The following NLK variants were observed in gnomAD, a reference collection of about 807,000 sequenced individuals.
NLK encodes nemo like kinase, also known as serine/threonine-protein kinase NLK.
In NLK, 11 loss-of-function variants were observed where a neutral mutation model predicts 59.0. The ratio of observed to expected loss-of-function variants is 0.19; its 90% confidence interval spans 0.12 to 0.31. The LOEUF is 0.31. Among genes scored for constraint, NLK ranks in the 10% least tolerant of loss-of-function variants. The pLI, the probability that NLK is intolerant of heterozygous loss-of-function variation, is 1.00. For synonymous variants in NLK, 235 were observed against 235.9 expected, an observed-to-expected ratio of 1.00 and a Z score of 0.03; for missense variants, 410 against 661.1, an observed-to-expected ratio of 0.62 and a Z score of 4.16.
intron 5 of NLK, among the ~76,000 whole-genome samples, chr17:28,167,033 A>G (rs754804325): frequency 3.9e-5 from 6 of 152,250 alleles, no homozygotes; most frequent in Non-Finnish European, 8.8e-5. Context: ...AAGTTTGGAT[A>G]TAATATTCAT....
intron 1 of NLK, among the ~76,000 whole-genome samples, chr17:28,054,228 T>C (rs1486632725): frequency 1.3e-5 from 2 of 152,246 alleles, no homozygotes; most frequent in African/African-American, 2.4e-5. Context: ...TCTTCAACCA[T>C]GTTTAATTGA....
Position 28,182,600 on chromosome 17 carries a change from T to G in NLK, c.1150-2579T>G, listed in dbSNP as rs187404027. Among the ~76,000 whole-genome samples the G allele has an allele frequency of 2.8e-3, 432 of 152,328 alleles. 4 individuals are homozygous for G. Among genetic ancestry groups the G allele is most frequent in the African/African-American group, 9.9e-3 (412 of 41,568 alleles). On this transcript the variant is annotated intron_variant, in intron 7 of 10. Transcript: ENST00000407008. ...ACCCACAGGAAATTTATTTAAGAGT[T>G]TGCAAGTAAAACTTCCTTCCAGTTT... is the stretch of plus-strand genomic sequence containing the variant.
intron 7 of NLK, among the ~76,000 whole-genome samples, chr17:28,173,688 A>C (rs1274581668): frequency 6.6e-6 from 1 of 152,208 alleles, no homozygotes; most frequent in Non-Finnish European, 1.5e-5. Context: ...TAACACCTTG[A>C]GAAGAGCACA....
intron 2 of NLK, among the ~76,000 whole-genome samples, chr17:28,128,286 G>A (rs970801229): frequency 6.6e-6 from 1 of 152,076 alleles, no homozygotes; most frequent in Non-Finnish European, 1.5e-5. Flanking sequence ...TAACATTAAT[G>A]TTAAGAACTA....
At chr17:28,130,758 A>G (rs1427079817) in intron 2 of NLK, among the ~76,000 whole-genome samples, 1 of 152,198 alleles carries the variant, frequency 6.6e-6, no homozygotes, top group African/African-American at 2.4e-5. Context: ...TGTCAAGTAA[A>G]ACACTAATTT....
chr17:28,193,729 G>A (rs777131505), intron 10 of NLK, among the ~76,000 whole-genome samples: 1 of 152,114 alleles, frequency 6.6e-6, no homozygotes, highest in African/African-American at 2.4e-5. Flanking sequence ...GGATTTGTTG[G>A]ACCACAGTCA....
chr17:28,061,871 T>TATATATA (rs1909661833), intron 1 of NLK: 1 of 144,666 alleles, frequency 6.9e-6, no homozygotes, highest in Non-Finnish European at 1.5e-5. Flanking sequence ...TACATATACA[T>TATATATA]ATATATAATA....
chr17:28,168,706 AGG>A, intron 6 of NLK, 49 bp downstream of exon 6: 1 of 1,436,366 alleles, frequency 7.0e-7, no homozygotes, highest in Non-Finnish European at 9.8e-7. Flanking sequence ...GCAGATTTGA[AGG>A]AAAATCCATC....
At chr17:28,156,532 G>A (rs1249168485) in intron 3 of NLK, among the ~76,000 whole-genome samples, 1 of 152,092 alleles carries the variant, frequency 6.6e-6, no homozygotes, top group Non-Finnish European at 1.5e-5. Flanking sequence ...AAACATTTCT[G>A]CCTGCCCTTC....
chr17:28,167,897 G>T (rs1477013819), intron 5 of NLK, among the ~76,000 whole-genome samples: 1 of 151,988 alleles, frequency 6.6e-6, no homozygotes, highest in Non-Finnish European at 1.5e-5. Context: ...ACTGAAAACA[G>T]ACATGTTTTT....
intron 1 of NLK, among the ~76,000 whole-genome samples, chr17:28,095,354 TG>T (rs1904663388): frequency 6.6e-6 from 1 of 152,284 alleles, no homozygotes; most frequent in African/African-American, 2.4e-5. Flanking sequence ...TACATGGCCA[TG>T]TTATCAGATT....
chr17:28,045,848 G>A (rs1319877043), intron 1 of NLK, among the ~76,000 whole-genome samples: 1 of 152,138 alleles, frequency 6.6e-6, no homozygotes, highest in Non-Finnish European at 1.5e-5. Context: ...AATTTAGGAA[G>A]CACCTTATGA....
At chr17:28,151,701 A>C (rs1206570594) in intron 3 of NLK, among the ~76,000 whole-genome samples, 1 of 152,102 alleles carries the variant, frequency 6.6e-6, no homozygotes, top group Non-Finnish European at 1.5e-5. Context: ...ACCTGTCCCT[A>C]TTTTTTAACC....
intron 1 of NLK, among the ~76,000 whole-genome samples, chr17:28,059,067 A>G (rs1262792328): frequency 6.6e-6 from 1 of 152,128 alleles, no homozygotes; most frequent in Non-Finnish European, 1.5e-5. Context: ...CAGAGGTTGC[A>G]GTGAGCTGAG....
intron 1 of NLK, among the ~76,000 whole-genome samples, chr17:28,093,867 ATTG>A (rs1377133402): frequency 6.6e-6 from 1 of 152,188 alleles, no homozygotes; most frequent in East Asian, 1.9e-4. Flanking sequence ...GGTTTCTGCT[ATTG>A]TTAATAATTA....
At chr17:28,077,976 C>T (rs1339646870) in intron 1 of NLK, among the ~76,000 whole-genome samples, 3 of 151,822 alleles carry the variant, frequency 2.0e-5, no homozygotes, top group African/African-American at 7.3e-5. Flanking sequence ...TGAAACAATT[C>T]TTAAGAGGTT....
intron 3 of NLK, among the ~76,000 whole-genome samples, chr17:28,155,697 G>T (rs767023783): frequency 6.6e-6 from 1 of 151,680 alleles, no homozygotes; most frequent in African/African-American, 2.4e-5. Flanking sequence ...ACCAAACACC[G>T]CATGTTCTCA....
chr17:28,144,767 T>C (rs560313264), intron 3 of NLK, among the ~76,000 whole-genome samples: 3 of 152,210 alleles, frequency 2.0e-5, no homozygotes, highest in Non-Finnish European at 4.4e-5. Context: ...AGGAGGCATG[T>C]GTTAGGTGGA....
chr17:28,064,172 A>T (rs1471058742), intron 1 of NLK, among the ~76,000 whole-genome samples: 2 of 136,850 alleles, frequency 1.5e-5, no homozygotes, highest in East Asian at 4.2e-4. Context: ...TAAGTTAGCA[A>T]ACTTTTTTTT....
Sources: gnomAD v4.1 joint callset for allele counts (sites outside exome capture counted in the v4.1 genomes callset) on GRCh38, gnomAD v4.1.1 for gene constraint, MANE v1.5 for transcripts, NCBI Gene and HGNC (gene_info 2026-07-23, HGNC 2026-07-21) for gene names.